Variants in ZGRF1 observed in about 807,000 individuals in gnomAD.
ZGRF1 encodes the protein zinc finger GRF-type containing 1.
Under a neutral mutation model 203.5 loss-of-function variants are expected in ZGRF1, and 196 were observed. That is an observed-to-expected ratio of 0.96 (90% CI 0.86 to 1.08). The LOEUF is 1.08. ZGRF1 is among the 50% of genes least tolerant of loss of function. The pLI is 0.00. For missense variants in ZGRF1, 2,326 were observed against 2,416.3 expected, an observed-to-expected ratio of 0.96 and a Z score of 0.78; for synonymous variants, 809 against 841.3, an observed-to-expected ratio of 0.96 and a Z score of 0.66.
intron 24 of ZGRF1, among the ~76,000 whole-genome samples, chr4:112,546,275 G>T (rs1738753447): frequency 6.6e-6 from 1 of 152,064 alleles, no homozygotes; most frequent in South Asian, 2.1e-4. Flanking sequence ...GCAGTTAACT[G>T]CTAAATGGGT....
At chr4:112,573,171 C>CAT (rs1744501790) in intron 16 of ZGRF1, among the ~76,000 whole-genome samples, 1 of 125,568 alleles carries the variant, frequency 8.0e-6, no homozygotes, top group South Asian at 2.5e-4. Context: ...TTGTGATACA[C>CAT]ACACACACAC....
At chr4:112,542,834 G>A (rs973802908) in intron 24 of ZGRF1, among the ~76,000 whole-genome samples, 1 of 103,970 alleles carries the variant, frequency 9.6e-6, no homozygotes, top group African/African-American at 3.6e-5. Flanking sequence ...TTTCTTTCTT[G>A]TTTCAAAGAG....
intron 24 of ZGRF1, among the ~76,000 whole-genome samples, chr4:112,543,747 G>C (rs1738177495): frequency 6.6e-6 from 1 of 152,206 alleles, no homozygotes; most frequent in Non-Finnish European, 1.5e-5. Flanking sequence ...GGGACAGGAG[G>C]AGAAGTCTTC....
chr4:112,599,720 TA>T (rs35067627), intron 10 of ZGRF1, among the ~76,000 whole-genome samples: 2 of 150,668 alleles, frequency 1.3e-5, no homozygotes, highest in East Asian at 3.9e-4. Flanking sequence ...AGATTCTGTT[TA>T]AAAAAAAAGG....
chr4:112,565,503 G>A, intron 16 of ZGRF1: 1 of 627,076 alleles, frequency 1.6e-6, no homozygotes, highest in Non-Finnish European at 2.8e-6. Flanking sequence ...TTTTTCCATG[G>A]GGTCAAAAAA....
At chr4:112,634,684 T>G (rs374462034) in intron 1 of ZGRF1, among the ~76,000 whole-genome samples, 10 of 150,364 alleles carry the variant, frequency 6.7e-5, no homozygotes, top group Non-Finnish European at 4.4e-5. Flanking sequence ...GCGGGGGCGG[T>G]GAAGTGCAAG....
At chr4:112,549,622 G>A (rs1360567799) in intron 22 of ZGRF1, among the ~76,000 whole-genome samples, 1 of 152,166 alleles carries the variant, frequency 6.6e-6, no homozygotes, top group East Asian at 1.9e-4. Context: ...TGGTGATACC[G>A]GTGTAAACAA....
chr4:112,585,795 G>T, intron 13 of ZGRF1, 70 bp from the exon 14 acceptor site: 1 of 1,126,814 alleles, frequency 8.9e-7, no homozygotes, highest in Non-Finnish European at 1.2e-6. Context: ...CATATGTGCT[G>T]TTTGTAGCTA....
intron 16 of ZGRF1, among the ~76,000 whole-genome samples, chr4:112,573,315 C>T (rs1744550911): frequency 6.6e-6 from 1 of 151,972 alleles, no homozygotes; most frequent in Non-Finnish European, 1.5e-5. Flanking sequence ...AAAAATCAAA[C>T]ATCGTATGTT....
At chr4:112,584,567 C>T (rs1477188393) in intron 14 of ZGRF1, among the ~76,000 whole-genome samples, 2 of 152,124 alleles carry the variant, frequency 1.3e-5, no homozygotes, top group Non-Finnish European at 2.9e-5. Context: ...ATTTTTTTTA[C>T]ACAAAACTCA....
At chr4:112,604,651 T>G (rs965936295) in intron 9 of ZGRF1, among the ~76,000 whole-genome samples, 6 of 152,208 alleles carry the variant, frequency 3.9e-5, no homozygotes, top group African/African-American at 1.4e-4. Flanking sequence ...GTGGACTCTC[T>G]GCCTCTCAGT....
chr4:112,599,090 A>G (rs533218514), intron 10 of ZGRF1, among the ~76,000 whole-genome samples: 18 of 152,206 alleles, frequency 1.2e-4, no homozygotes, highest in African/African-American at 4.3e-4. Context: ...AATGTAGTGG[A>G]AAAAAATGAC....
At chr4:112,616,873 A>G (rs908290635) in intron 6 of ZGRF1, among the ~76,000 whole-genome samples, 7 of 151,976 alleles carry the variant, frequency 4.6e-5, no homozygotes, top group African/African-American at 1.7e-4. Flanking sequence ...AACGGAGGAA[A>G]GAGGAAAAGA....
intron 3 of ZGRF1, among the ~76,000 whole-genome samples, chr4:112,624,616 ATTAT>A (rs2047169804): frequency 1.3e-5 from 2 of 152,132 alleles, no homozygotes; most frequent in African/African-American, 4.8e-5. Flanking sequence ...GGATAAGATA[ATTAT>A]TTATGAGGTA....
At chr4:112,609,187 G>A (rs570096153) in intron 8 of ZGRF1, among the ~76,000 whole-genome samples, 192 bp downstream of exon 8, 7 of 151,766 alleles carry the variant, frequency 4.6e-5, no homozygotes, top group South Asian at 4.2e-4. Context: ...CCGAGTAGCC[G>A]GGACTACAGG....
Position 112,563,267 on chromosome 4 carries a change from A to G in ZGRF1, c.4446T>C (p.Leu1482=). The G allele has an allele frequency of 6.5e-7, 1 of 1,550,082 alleles. No individual in the cohort carries two copies. The highest frequency in any genetic ancestry group is 1.4e-5 in the African/African-American group (1 of 73,124). ...AGTCTAGGGTTTTTGAAACCACCCA[A>G]AGATCATCTGAAAAGACAAACATTT... ...ERSSAYSKND[L]WVVSKTLDFE... is the part of the protein sequence containing the mutation. The change falls in exon 17 of 28, where the codon CTT becomes CTC. Residue 1482 remains leucine, a synonymous_variant. Transcript: ENST00000505019.
At chr4:112,545,271 A>T (rs916541550) in intron 24 of ZGRF1, among the ~76,000 whole-genome samples, 5 of 150,320 alleles carry the variant, frequency 3.3e-5, no homozygotes, top group Non-Finnish European at 5.9e-5. Flanking sequence ...AATATATTTA[A>T]AAAAAAAAAC....
At chr4:112,588,362 T>C (rs183087666) in intron 11 of ZGRF1, among the ~76,000 whole-genome samples, 3 of 152,316 alleles carry the variant, frequency 2.0e-5, no homozygotes, top group African/African-American at 7.2e-5. Context: ...ATATCTACTT[T>C]ACATTCTTTC....
chr4:112,576,964 C>T lies in ZGRF1; in HGVS notation c.4438+4699G>A, dbSNP rs547359051. ...TACTCCTCAAGAACAGCAACTCCAA[C>T]ACACATAATCGTCAGATTCACCAAA... On this transcript the variant is annotated intron_variant, in intron 16 of 27. Transcript: ENST00000505019. Among the ~76,000 whole-genome samples, 21 of 151,818 alleles carry T rather than the reference C, an allele frequency of 1.4e-4. No homozygotes were observed. In the South Asian group the frequency reaches 4.4e-3, roughly 32 times the overall value.
Sources: gnomAD v4.1 joint callset for allele counts (sites outside exome capture counted in the v4.1 genomes callset) on GRCh38, gnomAD v4.1.1 for gene constraint, MANE v1.5 for transcripts, NCBI Gene and HGNC (gene_info 2026-07-23, HGNC 2026-07-21) for gene names.